Variants in ABCF2 observed in about 807,000 individuals in gnomAD.
The protein encoded by ABCF2 is ATP-binding cassette sub-family F member 2.
A neutral mutation model predicts 76.9 loss-of-function variants in ABCF2; 37 were observed. The ratio of observed to expected loss-of-function variants is 0.48; its 90% CI spans 0.37 to 0.63. ABCF2 has a LOEUF of 0.63. Ranked by LOEUF, ABCF2 falls within the 30% of genes least tolerant of loss-of-function variation. The pLI is 0.00. For missense variants in ABCF2, 524 were observed against 782.1 expected (o/e 0.67, Z 3.94); for synonymous variants, 299 against 283.7 (o/e 1.05, Z -0.54).
chr7:151,220,835 A>G (rs1025919877), intron 7 of ABCF2, among the ~76,000 whole-genome samples: 3 of 152,248 alleles, frequency 2.0e-5, no homozygotes, highest in Admixed American at 6.5e-5. Flanking sequence ...TAAAAATACA[A>G]AAACTAGCCA....
chr7:151,219,316 C>G (rs187539817), intron 7 of ABCF2, among the ~76,000 whole-genome samples, 157 bp from the exon 8 acceptor site: 38 of 152,324 alleles, frequency 2.5e-4, no homozygotes, highest in African/African-American at 9.1e-4. Flanking sequence ...AGAAGCATAT[C>G]CTAACATCAA....
At position 151,213,974 on chromosome 7, in the gene ABCF2, G is replaced by A. The variant is rs1284019150; in HGVS notation, c.*80C>T. 3 of 1,572,488 alleles carry A rather than the reference G, an allele frequency of 1.9e-6. No homozygotes were observed. Among genetic ancestry groups the A allele is most frequent in the Non-Finnish European group, 2.6e-6 (3 of 1,163,650 alleles). On this transcript the variant is annotated 3_prime_UTR_variant, in exon 15 of 15. Coordinates refer to ENST00000287844, the MANE Select transcript of ABCF2 (RefSeq NM_007189.3). ...CAGCAATGCAGGAGTGTAGCCCCAG[G>A]GTCCTGTCCTGAGCGGCTGGTCAGG... is the stretch of plus-strand genomic sequence containing the variant.
Position 151,214,878 on chromosome 7 carries a change from C to G in ABCF2, c.1734+1G>C. On this transcript the variant is annotated splice_donor_variant, in intron 14 of 14. Transcript: ENST00000287844. LOFTEE classifies it high-confidence loss of function. This position sits in a 1 kb window ranked among gnomAD's most constrained non-coding sequence, Gnocchi z 4.9. ...GCCTCACCCCCTGGCCAGGGCCTCA[C>G]CTGCTGAATGAGTCTGAAGTCATGG... 6.2e-7 allele frequency: 1 copy of G among 1,614,218 alleles called. No individual in the cohort carries two copies. The highest frequency in any genetic ancestry group is 8.5e-7 in the Non-Finnish European group (1 of 1,180,034).
At chr7:151,220,133 T>C (rs1802236870) in intron 7 of ABCF2, among the ~76,000 whole-genome samples, 1 of 151,594 alleles carries the variant, frequency 6.6e-6, no homozygotes, top group Admixed American at 6.6e-5. Context: ...GGCTCACGCC[T>C]GTAATCCCAG....
chr7:151,213,312 A>G lies in ABCF2; in HGVS notation c.*742T>C, dbSNP rs1052717699. 1.6e-4 allele frequency: 159 copies of G among 983,774 alleles called. 1 individual carries two copies. The highest frequency in any genetic ancestry group is 1.9e-4 in the South Asian group (4 of 21,256). The allele number at this position is 983,774 out of a possible 1,614,324, so 60.9% of individuals were successfully genotyped here. A position where few individuals can be genotyped will look rare whatever the true frequency, so the allele number is the denominator to read the frequency against. On this transcript the variant is annotated 3_prime_UTR_variant, in exon 15 of 15. Coordinates refer to ENST00000287844, the MANE Select transcript of ABCF2 (RefSeq NM_007189.3). ...TCCAGGTGATTCTGATTCATGTTAA[A>G]GTCTGTGAATCACAGGCCTGAGAAA...
intron 11 of ABCF2, among the ~76,000 whole-genome samples, chr7:151,217,643 C>T (rs1434932606): frequency 6.6e-6 from 1 of 151,818 alleles, no homozygotes; most frequent in Non-Finnish European, 1.5e-5. Flanking sequence ...TACTAAAATA[C>T]AAAAAAATTA....
At chr7:151,225,563 C>G (rs923570879) in intron 2 of ABCF2, among the ~76,000 whole-genome samples, 2 of 152,178 alleles carry the variant, frequency 1.3e-5, no homozygotes, top group East Asian at 3.9e-4. Flanking sequence ...ACAGAAATGT[C>G]AAATGTAGCT....
At chr7:151,223,513 G>GCT (rs1226561965) in intron 5 of ABCF2, among the ~76,000 whole-genome samples, 165 bp downstream of exon 5, 1 of 152,138 alleles carries the variant, frequency 6.6e-6, no homozygotes, top group Non-Finnish European at 1.5e-5. Flanking sequence ...CAGCCAGGAA[G>GCT]CTCTCTCTCT....
chr7:151,225,271 GCTTT>G (rs1802349943), intron 2 of ABCF2, among the ~76,000 whole-genome samples: 1 of 152,122 alleles, frequency 6.6e-6, no homozygotes, highest in African/African-American at 2.4e-5. Context: ...CTTTCTAATT[GCTTT>G]CTAAGTCCCC....
At position 151,218,637 on chromosome 7, in the gene ABCF2, T is replaced by C; in HGVS notation, c.1151A>G (p.Tyr384Cys). 1 of 1,614,008 alleles carries C rather than the reference T, an allele frequency of 6.2e-7. No individual in the cohort carries two copies. Among genetic ancestry groups the C allele is most frequent in the Non-Finnish European group, 8.5e-7 (1 of 1,179,964 alleles). The change falls in exon 10 of 15, where the codon TAT becomes TGT. Residue 384 changes from tyrosine (Y) to cysteine (C), a missense_variant. Transcript: ENST00000287844. ...AGGGATCTTGCCACATGGTGGGAAA[T>C]AAAATGACAGTGTCTAGGAAGAAAA... is the stretch of plus-strand genomic sequence containing the variant. ...RVVSDKTLSF[Y>C]FPPCGKIPPP...
At position 151,214,247 on chromosome 7, in the gene ABCF2, C is replaced by T; in HGVS notation, c.1735-56G>A. 1 of 1,613,598 alleles carries T rather than the reference C, an allele frequency of 6.2e-7. No individual in the cohort carries two copies. The highest frequency in any genetic ancestry group is 1.1e-5 in the South Asian group (1 of 90,992). ...GCTAGTCACTGTCCCTGCCTCTGCC[C>T]AGCAGACTGTCCTGAGGGGCGTCTA... On this transcript the variant is annotated intron_variant, in intron 14 of 14. Transcript: ENST00000287844. This position sits in a 1 kb window ranked among gnomAD's most constrained non-coding sequence, Gnocchi z 4.9.
rs1802138534 is a variant in ABCF2 at position 151,215,773 on chromosome 7, C to T, written c.1402-41G>A. The T allele has an allele frequency of 6.2e-7, 1 of 1,613,636 alleles. No homozygotes were observed. Among genetic ancestry groups the T allele is most frequent in the Non-Finnish European group, 8.5e-7 (1 of 1,179,796 alleles). ...AAGCCACCCGGGTGTGACTGGCATCCCGCTTCAAAATAAACCCTACTAGGT... is the reference window on the plus strand; with the variant it reads ...AAGCCACCCGGGTGTGACTGGCATCTCGCTTCAAAATAAACCCTACTAGGT... On this transcript the variant is annotated intron_variant, in intron 12 of 14. Transcript: ENST00000287844. The surrounding 1 kb of genome is among the most constrained non-coding windows in gnomAD (Gnocchi z 4.6).
chr7:151,211,548 TTTC>T lies in ABCF2; in HGVS notation c.*2503_*2505del, dbSNP rs1355965698. On this transcript the variant is annotated 3_prime_UTR_variant, in exon 15 of 15. Transcript: ENST00000287844. ...TATTTAAATTACCAAGGTTGACATT[TTTC>T]TTGACAAATAAGCTGACTAGACTAT... 1 of 985,258 alleles carries T rather than the reference TTTC, an allele frequency of 1.0e-6. No individual in the cohort carries two copies. The highest frequency in any genetic ancestry group is 1.2e-6 in the Non-Finnish European group (1 of 829,886). 61.0% of individuals were successfully genotyped at this position (985,258 alleles called of 1,614,324 possible).
In ABCF2 at chr7:151,212,096, CAAG is replaced by C. The variant is rs1393247166; in HGVS notation, c.*1955_*1957del. 4.8e-5 allele frequency: 47 copies of C among 978,982 alleles called. No individual in the cohort carries two copies. The South Asian group carries it at 9.4e-4, about 20-fold the overall frequency. 60.6% of individuals were successfully genotyped at this position (978,982 alleles called of 1,614,324 possible). A position where few individuals can be genotyped will look rare whatever the true frequency, so the allele number is the denominator to read the frequency against. On this transcript the variant is annotated 3_prime_UTR_variant, in exon 15 of 15. Coordinates refer to ENST00000287844, the MANE Select transcript of ABCF2 (RefSeq NM_007189.3). ...GTATGGTTCTGTCTTACTGGCTTTC[CAAG>C]AAGATCATGAGCTCCTAAGGGGTTT...
chr7:151,218,302 T>A, intron 10 of ABCF2, 111 bp from the exon 11 acceptor site: 1 of 817,118 alleles, frequency 1.2e-6, no homozygotes, highest in Non-Finnish European at 2.0e-6. Context: ...GAAGGGAGAG[T>A]AGCGGGAGGA....
intron 2 of ABCF2, 99 bp downstream of exon 2, chr7:151,226,206 A>C (rs1802369174): frequency 7.3e-7 from 1 of 1,363,644 alleles, no homozygotes; most frequent in Non-Finnish European, 1.0e-6. Context: ...ATGACACCAG[A>C]TACATTCTCC....
rs1444093663 is a variant in ABCF2, at chr7:151,219,167, G to A, written c.922-8C>T. On this transcript the variant is annotated splice_region_variant and splice_polypyrimidine_tract_variant and intron_variant, in intron 7 of 14. Transcript: ENST00000287844. The stretch of plus-strand genomic sequence containing the variant: ...GTACTGATCATAATTACCCTGCATG[G>A]AAATGTGCCAGGTAAGGCAGGCAGC... The A allele has an allele frequency of 1.9e-6, 3 of 1,612,724 alleles. No homozygotes were observed. Among genetic ancestry groups the A allele is most frequent in the Admixed American group, 3.3e-5 (2 of 59,994 alleles).
Position 151,211,832 on chromosome 7 carries a change from A to G in ABCF2, c.*2222T>C. 1.0e-6 allele frequency: 1 copy of G among 985,254 alleles called. No individual in the cohort carries two copies. 61.0% of individuals were successfully genotyped at this position (985,254 alleles called of 1,614,324 possible). On this transcript the variant is annotated 3_prime_UTR_variant, in exon 15 of 15. Transcript: ENST00000287844. ...TAAGGCATAAAGCAGTCAAGCCAGTACCCTCTGGGGTCAGAGGACTCCCAT... is the reference window on the plus strand; with the variant it reads ...TAAGGCATAAAGCAGTCAAGCCAGTGCCCTCTGGGGTCAGAGGACTCCCAT...
At chr7:151,222,149 T>A (rs188547256) in intron 6 of ABCF2, among the ~76,000 whole-genome samples, 69 of 152,332 alleles carry the variant, frequency 4.5e-4, no homozygotes, top group Admixed American at 9.8e-4. Flanking sequence ...TGTAGGACCA[T>A]GACCATATTG....
Sources: gnomAD v4.1 joint callset for allele counts (sites outside exome capture counted in the v4.1 genomes callset) on GRCh38, gnomAD v4.1.1 for gene constraint, Gnocchi (gnomAD v3.1) non-coding constraint, MANE v1.5 for transcripts, NCBI Gene and HGNC (gene_info 2026-07-23, HGNC 2026-07-21) for gene names.